ATG7: variants seen among roughly 807,000 people sequenced by gnomAD.
ATG7 encodes autophagy related 7.
In ATG7, 70 loss-of-function variants were observed where a neutral mutation model predicts 82.4. That is an observed-to-expected ratio of 0.85 (90% CI 0.70 to 1.04). The LOEUF (loss-of-function observed/expected upper bound fraction) is 1.04, where lower values mean the gene tolerates loss of function less well. Ranked by LOEUF, ATG7 falls within the 50% of genes least tolerant of loss-of-function variation. The pLI, the probability that ATG7 is intolerant of heterozygous loss-of-function variation, is 0.00. For synonymous variants in ATG7, 287 were observed against 313.0 expected (o/e 0.92, Z 0.88); for missense variants, 792 against 864.3 (o/e 0.92, Z 1.05).
At chr3:11,432,294 CAGTG>C (rs970553828) in intron 20 of ATG7, among the ~76,000 whole-genome samples, 4 of 151,988 alleles carry the variant, frequency 2.6e-5, no homozygotes, top group African/African-American at 7.3e-5. Flanking sequence ...CCATTTAGCA[CAGTG>C]AGGAGAGGCT....
intron 20 of ATG7, among the ~76,000 whole-genome samples, chr3:11,530,436 C>T (rs1019928843): frequency 6.6e-6 from 1 of 152,114 alleles, no homozygotes; most frequent in Non-Finnish European, 1.5e-5. Context: ...GACTGTCTTT[C>T]ATCAGTTTTG....
chr3:11,392,102 A>G (rs1267304673), intron 19 of ATG7, among the ~76,000 whole-genome samples: 1 of 152,198 alleles, frequency 6.6e-6, no homozygotes, highest in Non-Finnish European at 1.5e-5. Context: ...GTCATGTTTC[A>G]GACTGTAGCA....
chr3:11,367,328 T>C lies in ATG7; in HGVS notation c.1875+2594T>C, dbSNP rs140325730. Among the ~76,000 whole-genome samples the C allele has an allele frequency of 2.9e-3, 443 of 152,272 alleles. 2 individuals are homozygous for C. Among genetic ancestry groups the C allele is most frequent in the Middle Eastern group, 0.01 (3 of 294 alleles). ...CCTGTTGGAGAGGAACTTGGTAAAC[T>C]CCTTTGTGTACTTTGTATGCAAAGA... On this transcript the variant is annotated intron_variant, in intron 18 of 20. Transcript: ENST00000693202.
chr3:11,282,113 G>C (rs2594965), intron 2 of ATG7, 80 bp from the exon 3 acceptor site: 75,486 of 151,980 alleles, frequency 0.5, 20,613 homozygotes, highest in East Asian at 0.63. Flanking sequence ...GAGGCACACT[G>C]CCCTCCATCT....
intron 20 of ATG7, among the ~76,000 whole-genome samples, chr3:11,445,863 G>A (rs2084499011): frequency 6.6e-6 from 1 of 151,940 alleles, no homozygotes; most frequent in Non-Finnish European, 1.5e-5. Context: ...TATCATATTA[G>A]GCTTTTACTT....
downstream of ATG7, chr3:11,558,550 C>T: frequency 6.3e-7 from 1 of 1,594,788 alleles, no homozygotes; most frequent in South Asian, 1.1e-5. Context: ...GGAGGAGGCG[C>T]TCCCTTCAGG....
At position 11,309,493 on chromosome 3, in the gene ATG7, G is replaced by A. The variant is rs531217634; in HGVS notation, c.411+432G>A. On this transcript the variant is annotated intron_variant, in intron 7 of 20. Transcript: ENST00000693202. Reference sequence around the variant, plus strand: ...TTTTAAAGACAGAAACATGTTTTCTGTAAGCGAAATCTAATTAAAATGAAC... The same window carrying A: ...TTTTAAAGACAGAAACATGTTTTCTATAAGCGAAATCTAATTAAAATGAAC... Among the ~76,000 whole-genome samples, 3 of 150,544 alleles carry A rather than the reference G, an allele frequency of 2.0e-5. No individual in the cohort carries two copies. The East Asian group carries it at 5.9e-4, about 29-fold the overall frequency.
Position 11,555,168 on chromosome 3 carries a change from T to A in ATG7, c.*325T>A. On this transcript the variant is annotated 3_prime_UTR_variant, in exon 21 of 21. Transcript: ENST00000693202. The stretch of plus-strand genomic sequence containing the variant: ...TCCTTTCCCCTTGGCCCTGAGGGGG[T>A]GACCCAACACAGACCAAATGGGGAA... 1 of 374,812 alleles carries A rather than the reference T, an allele frequency of 2.7e-6. No individual in the cohort carries two copies. The highest frequency in any genetic ancestry group is 4.8e-6 in the Non-Finnish European group (1 of 206,808). The allele number at this position is 374,812 out of a possible 1,614,324, so 23.2% of individuals were successfully genotyped here.
At chr3:11,302,856 T>C (rs1183487799) in intron 5 of ATG7, among the ~76,000 whole-genome samples, 1 of 152,244 alleles carries the variant, frequency 6.6e-6, no homozygotes, top group Non-Finnish European at 1.5e-5. Context: ...TCCTGTTCTC[T>C]GAATTGTATT....
intron 19 of ATG7, among the ~76,000 whole-genome samples, chr3:11,406,623 A>G (rs888575960): frequency 1.3e-5 from 2 of 152,190 alleles, no homozygotes; most frequent in African/African-American, 2.4e-5. Context: ...GGCAGTTTAC[A>G]AAAGAAGGAG....
intron 3 of ATG7, among the ~76,000 whole-genome samples, chr3:11,291,869 A>G (rs1051393849): frequency 5.9e-5 from 9 of 152,228 alleles, no homozygotes; most frequent in African/African-American, 2.2e-4. Context: ...AACATCAGCC[A>G]TGCAGAAGAT....
chr3:11,547,751 C>T (rs1559826570), intron 20 of ATG7, among the ~76,000 whole-genome samples: 1 of 152,240 alleles, frequency 6.6e-6, no homozygotes, highest in Non-Finnish European at 1.5e-5. Flanking sequence ...TTTTGATTCA[C>T]ATTTTCCTGA....
At chr3:11,430,978 C>A (rs950211257) in intron 20 of ATG7, among the ~76,000 whole-genome samples, 1 of 152,126 alleles carries the variant, frequency 6.6e-6, no homozygotes, top group African/African-American at 2.4e-5. Context: ...TAAAGGTCTC[C>A]GAGGCCAAGT....
intron 20 of ATG7, among the ~76,000 whole-genome samples, chr3:11,450,207 G>A (rs1310282032): frequency 1.3e-5 from 2 of 152,234 alleles, no homozygotes; most frequent in Non-Finnish European, 2.9e-5. Context: ...AGTGTTCAAG[G>A]TCATGGAGCC....
intron 1 of ATG7, among the ~76,000 whole-genome samples, chr3:11,279,116 G>A (rs1322672918): frequency 2.0e-5 from 3 of 152,182 alleles, no homozygotes; most frequent in South Asian, 4.1e-4. Flanking sequence ...CTTGCATGGG[G>A]CTAGTGCTGT....
chr3:11,356,928 C>T (rs564898826), intron 14 of ATG7, among the ~76,000 whole-genome samples: 3 of 152,114 alleles, frequency 2.0e-5, no homozygotes, highest in African/African-American at 7.2e-5. Context: ...TCCTTTCTGC[C>T]TCAGGTCCTT....
intron 14 of ATG7, among the ~76,000 whole-genome samples, chr3:11,349,763 G>A (rs1404049204): frequency 6.6e-6 from 1 of 152,142 alleles, no homozygotes; most frequent in Non-Finnish European, 1.5e-5. Flanking sequence ...TGGTTACTTA[G>A]TACAGGTTTA....
chr3:11,536,436 C>T (rs1027437365), intron 20 of ATG7, among the ~76,000 whole-genome samples: 2 of 152,236 alleles, frequency 1.3e-5, no homozygotes, highest in African/African-American at 4.8e-5. Flanking sequence ...GGACCAGCTC[C>T]TTCCTAACTG....
At chr3:11,383,873 C>G (rs2078112590) in intron 19 of ATG7, among the ~76,000 whole-genome samples, 1 of 152,116 alleles carries the variant, frequency 6.6e-6, no homozygotes, top group African/African-American at 2.4e-5. Flanking sequence ...GTGCATAGTT[C>G]TTTTTTTCCT....
Sources: allele counts gnomAD v4.1 joint callset (sites outside exome capture counted in the v4.1 genomes callset), GRCh38; gene constraint gnomAD v4.1.1; transcripts MANE v1.5; gene names NCBI Gene and HGNC (gene_info 2026-07-23, HGNC 2026-07-21).